The following SIK3 variants were observed in gnomAD, a reference collection of about 807,000 sequenced individuals.
The protein encoded by SIK3 is SIK family kinase 3, also known as serine/threonine-protein kinase SIK3.
Under a neutral mutation model 144.2 loss-of-function variants are expected in SIK3, and 28 were observed. The ratio of observed to expected loss-of-function variants is 0.19; its 90% CI spans 0.14 to 0.27. The LOEUF is 0.27. Ranked by LOEUF, SIK3 falls within the 10% of genes least tolerant of loss-of-function variation. The probability of loss-of-function intolerance (pLI) is 1.00; values close to 1 mark genes in which losing one functional copy is unlikely to be tolerated. For missense variants in SIK3, 1,319 were observed against 1,776.0 expected, an observed-to-expected ratio of 0.74 and a Z score of 4.62; for synonymous variants, 686 against 676.3, an observed-to-expected ratio of 1.01 and a Z score of -0.22.
chr11:116,860,514 G>A (rs746254214), intron 19 of SIK3, among the ~76,000 whole-genome samples: 3 of 152,190 alleles, frequency 2.0e-5, no homozygotes, highest in East Asian at 1.9e-4. Context: ...AGGGGCCCAC[G>A]TGTATAGTAG....
chr11:116,977,989 C>T (rs1055866074), intron 1 of SIK3, among the ~76,000 whole-genome samples: 6 of 152,150 alleles, frequency 3.9e-5, no homozygotes, highest in Admixed American at 3.3e-4. Context: ...GAGGCCGAGG[C>T]GGGTGGATCA....
chr11:117,094,142 TAAAA>T (rs956465780), intron 1 of SIK3, among the ~76,000 whole-genome samples: 9 of 152,142 alleles, frequency 5.9e-5, no homozygotes, highest in African/African-American at 2.2e-4. Flanking sequence ...TCTCACAGCC[TAAAA>T]ATATCCAACT....
At chr11:116,944,799 T>C (rs1376821707) in intron 3 of SIK3, among the ~76,000 whole-genome samples, 1 of 152,200 alleles carries the variant, frequency 6.6e-6, no homozygotes, top group Non-Finnish European at 1.5e-5. Flanking sequence ...AACTTGTAGG[T>C]GACAGCAGAG....
At chr11:116,909,982 T>C (rs561541632) in intron 4 of SIK3, among the ~76,000 whole-genome samples, 1 of 152,330 alleles carries the variant, frequency 6.6e-6, no homozygotes, top group East Asian at 1.9e-4. Context: ...CCAGTTATCA[T>C]TAAATATAAT....
chr11:116,995,202 G>C (rs1263137567), intron 1 of SIK3, among the ~76,000 whole-genome samples: 2 of 150,820 alleles, frequency 1.3e-5, no homozygotes, highest in Non-Finnish European at 3.0e-5. Context: ...AGGAGGTGGA[G>C]GTTGCAGTGA....
intron 1 of SIK3, among the ~76,000 whole-genome samples, chr11:116,975,854 TC>T (rs34423715): frequency 2.6e-5 from 4 of 152,226 alleles, no homozygotes; most frequent in Non-Finnish European, 5.9e-5. Flanking sequence ...AGTTCTACTT[TC>T]CACATATCCT....
At chr11:117,085,841 C>T (rs528073319) in intron 1 of SIK3, among the ~76,000 whole-genome samples, 65 of 152,142 alleles carry the variant, frequency 4.3e-4, no homozygotes, top group African/African-American at 9.6e-4. Context: ...AAAAATTGGC[C>T]GGGCATGGTG....
At chr11:116,947,203 A>AT in intron 3 of SIK3, among the ~76,000 whole-genome samples, 2 of 135,914 alleles carry the variant, frequency 1.5e-5, no homozygotes, top group African/African-American at 5.8e-5. Context: ...TATACAAATT[A>AT]TTATTTATAT....
chr11:117,071,926 G>GTGTTTGTT (rs36145559), intron 1 of SIK3, among the ~76,000 whole-genome samples: 5 of 150,550 alleles, frequency 3.3e-5, no homozygotes, highest in Non-Finnish European at 7.4e-5. Context: ...GCCAAGAGTT[G>GTGTTTGTT]TGTTTGTTTG....
At chr11:117,090,754 A>C (rs1488155984) in intron 1 of SIK3, among the ~76,000 whole-genome samples, 3 of 152,230 alleles carry the variant, frequency 2.0e-5, no homozygotes, top group African/African-American at 7.2e-5. Context: ...TAGCAGATTT[A>C]AAGGCAAAGC....
At chr11:117,070,988 CA>C (rs1954252773) in intron 1 of SIK3, among the ~76,000 whole-genome samples, 1 of 151,944 alleles carries the variant, frequency 6.6e-6, no homozygotes, top group East Asian at 1.9e-4. Context: ...GTCGGCCTCC[CA>C]AAGTGCTGAG....
chr11:116,918,622 T>A (rs578156724), intron 4 of SIK3, among the ~76,000 whole-genome samples: 4 of 152,194 alleles, frequency 2.6e-5, no homozygotes, highest in South Asian at 4.1e-4. Flanking sequence ...TGGTTGAGCA[T>A]CAAATTCTTG....
intron 14 of SIK3, chr11:116,869,863 T>C: frequency 3.2e-6 from 1 of 309,628 alleles, no homozygotes; most frequent in Non-Finnish European, 6.4e-6. Context: ...TACAAGGGGG[T>C]GGAAGAAGCA....
intron 1 of SIK3, among the ~76,000 whole-genome samples, chr11:117,000,045 T>C (rs1950797211): frequency 6.6e-6 from 1 of 152,228 alleles, no homozygotes; most frequent in South Asian, 2.1e-4. Flanking sequence ...GTGCATGATA[T>C]GTAAGTAAGG....
At chr11:116,970,586 G>A (rs149887257) in intron 1 of SIK3, among the ~76,000 whole-genome samples, 94 of 152,254 alleles carry the variant, frequency 6.2e-4, no homozygotes, top group African/African-American at 1.9e-3. Context: ...CCGGGCTCAA[G>A]CAATCCTCCT....
chr11:116,925,690 T>C lies in SIK3; in HGVS notation c.616+1529A>G, dbSNP rs192545650. On this transcript the variant is annotated intron_variant, in intron 4 of 24. Coordinates refer to ENST00000445177, the MANE Select transcript of SIK3 (RefSeq NM_001366686.3). The stretch of plus-strand genomic sequence containing the variant: ...TGAAGTTTAGTAGGTATTATTAGTA[T>C]TAATTTAATTGAAGCTACAACAAAT... Among the ~76,000 whole-genome samples the C allele has an allele frequency of 5.7e-3, 870 of 152,382 alleles. 6 individuals are homozygous for C. Among genetic ancestry groups the C allele is most frequent in the African/African-American group, 0.019 (798 of 41,580 alleles).
At chr11:117,040,177 A>C (rs1213684886) in intron 1 of SIK3, among the ~76,000 whole-genome samples, 2 of 152,170 alleles carry the variant, frequency 1.3e-5, no homozygotes, top group Non-Finnish European at 2.9e-5. Context: ...GTTCATTCAA[A>C]TCTCACTGAG....
intron 1 of SIK3, among the ~76,000 whole-genome samples, chr11:117,037,485 G>A (rs565724281): frequency 1.3e-5 from 2 of 152,248 alleles, no homozygotes; most frequent in East Asian, 3.9e-4. Flanking sequence ...GTTCAAAGGA[G>A]GGAATGATCA....
chr11:117,002,372 T>C (rs1446810851), intron 1 of SIK3, among the ~76,000 whole-genome samples: 1 of 151,990 alleles, frequency 6.6e-6, no homozygotes, highest in South Asian at 2.1e-4. Context: ...ATTCTTCCAG[T>C]GTGGCCAGGG....
Sources: gnomAD v4.1 joint callset for allele counts (sites outside exome capture counted in the v4.1 genomes callset) on GRCh38, gnomAD v4.1.1 for gene constraint, MANE v1.5 for transcripts, NCBI Gene and HGNC (gene_info 2026-07-23, HGNC 2026-07-21) for gene names.